Variants in TCP10L observed in about 807,000 individuals in gnomAD.
The protein encoded by TCP10L is T-complex protein 10A homolog 1.
TCP10L carries 11 observed loss-of-function variants against 19.2 expected under a neutral mutation model. The ratio of observed to expected loss-of-function variants is 0.57; its 90% confidence interval spans 0.36 to 0.95. The LOEUF (loss-of-function observed/expected upper bound fraction) is 0.95. TCP10L is among the 40% of genes least tolerant of loss of function. The pLI is 0.01. For missense variants in TCP10L, 247 were observed against 263.9 expected (o/e 0.94, Z 0.44); for synonymous variants, 96 against 97.2 (o/e 0.99, Z 0.07).
rs747326826 is a variant in TCP10L, at chr21:32,584,287, G to C, written c.18C>G (p.Leu6=). 1.2e-6 allele frequency: 2 copies of C among 1,613,716 alleles called. No individual in the cohort carries two copies. Among genetic ancestry groups the C allele is most frequent in the Non-Finnish European group, 1.7e-6 (2 of 1,179,822 alleles). The change falls in exon 2 of 5, where the codon CTC becomes CTG. Residue 6 remains leucine, a synonymous_variant. Coordinates refer to ENST00000300258, the MANE Select transcript of TCP10L (RefSeq NM_144659.7). The part of the protein sequence containing the change: MLAGQ[L]EARDPKEGTH... ...TGCCCTCTTTGGGGTCCCTGGCCTC[G>C]AGTTGACCTGCCAGCATCCTGGTTG... is the stretch of plus-strand genomic sequence containing the variant.
chr21:32,583,632 A>G (rs939373400), intron 2 of TCP10L, among the ~76,000 whole-genome samples: 1 of 150,212 alleles, frequency 6.7e-6, no homozygotes, highest in African/African-American at 2.5e-5. Context: ...AAGCCACTGC[A>G]TTTTCAACCT....
chr21:32,583,540 G>C (rs1205281398), intron 2 of TCP10L, among the ~76,000 whole-genome samples: 1 of 139,442 alleles, frequency 7.2e-6, no homozygotes, highest in African/African-American at 2.7e-5. Flanking sequence ...AGTGAGCCGA[G>C]ATCCCGCCAC....
intron 2 of TCP10L, among the ~76,000 whole-genome samples, 167 bp downstream of exon 2, chr21:32,583,994 G>C (rs1371649616): frequency 6.6e-6 from 1 of 152,212 alleles, no homozygotes; most frequent in Admixed American, 6.5e-5. Flanking sequence ...CGGTTGCAGA[G>C]GGGGAAAGAG....
chr21:32,582,783 G>A lies in TCP10L; in HGVS notation c.145-368C>T, dbSNP rs930213855. Among the ~76,000 whole-genome samples, 2 of 151,844 alleles carry A rather than the reference G, an allele frequency of 1.3e-5. No individual in the cohort carries two copies. Among genetic ancestry groups the A allele is most frequent in the Non-Finnish European group, 2.9e-5 (2 of 67,986 alleles). ...AATTTTTGTATTTTTACTCGGGATG[G>A]GGGTTCACCATGTTGCCCAGACTGG... On this transcript the variant is annotated intron_variant, in intron 2 of 4. Coordinates refer to ENST00000300258, the MANE Select transcript of TCP10L (RefSeq NM_144659.7). The surrounding 1 kb of genome is among the most constrained non-coding windows in gnomAD (Gnocchi z 4.2).
At chr21:32,585,279 C>T (rs542023911) in intron 1 of TCP10L, 142 bp downstream of exon 1, 59 of 264,232 alleles carry the variant, frequency 2.2e-4, no homozygotes, top group African/African-American at 1.1e-3. Flanking sequence ...GCTGGGGTCA[C>T]GGTCCTCACA....
chr21:32,582,534 A>AC lies in TCP10L; in HGVS notation c.145-120dup, dbSNP rs1265978319. ...CAACACTATTTCTGGAATAAAAGACACCCGATGAGATAAACAGGACTACCA... is the reference window on the plus strand; with the variant it reads ...CAACACTATTTCTGGAATAAAAGACACCCCGATGAGATAAACAGGACTACCA... On this transcript the variant is annotated intron_variant, in intron 2 of 4. Transcript: ENST00000300258. The surrounding 1 kb of genome is among the most constrained non-coding windows in gnomAD (Gnocchi z 4.2). The AC allele has an allele frequency of 1.4e-5, 12 of 840,432 alleles. No homozygotes were observed. The highest frequency in any genetic ancestry group is 5.8e-5 in the Admixed American group (2 of 34,244). 52.1% of individuals were successfully genotyped at this position (840,432 alleles called of 1,614,324 possible).
Position 32,578,765 on chromosome 21 carries a change from C to T in TCP10L, c.427G>A (p.Ala143Thr), listed in dbSNP as rs374402294. The change falls in exon 4 of 5, where the codon GCT (alanine) becomes ACT (threonine). Residue 143 changes from alanine to threonine, a missense_variant. By Grantham distance (58) the Ala-to-Thr change is moderately conservative. Transcript: ENST00000300258. This position sits in a 1 kb window ranked among gnomAD's most constrained non-coding sequence, Gnocchi z 4.2. ...GTGGCACTCTGATTCTTGTGGCCAG[C>T]GTATTTGGGTATTGTCTCTTCATCA... ...SADEETIPKY[A>T]GHKNQSATLL... 47 of 1,614,006 alleles carry T rather than the reference C, an allele frequency of 2.9e-5. No homozygotes were observed. The highest frequency in any genetic ancestry group is 3.7e-5 in the Non-Finnish European group (44 of 1,180,044).
In TCP10L at chr21:32,578,649, C is replaced by T; in HGVS notation, c.498+45G>A. 6.3e-7 allele frequency: 1 copy of T among 1,590,648 alleles called. No homozygotes were observed. The highest frequency in any genetic ancestry group is 1.2e-5 in the South Asian group (1 of 85,898). The stretch of plus-strand genomic sequence containing the variant: ...CTGATGGGATGTGTGTGTTTGGGTA[C>T]AGAACCTCTGCTTCTCTTTACAGAT... On this transcript the variant is annotated intron_variant, in intron 4 of 4. Coordinates refer to ENST00000300258, the MANE Select transcript of TCP10L (RefSeq NM_144659.7). This position sits in a 1 kb window ranked among gnomAD's most constrained non-coding sequence, Gnocchi z 4.2.
intron 2 of TCP10L, 117 bp downstream of exon 2, chr21:32,584,044 C>T (rs533127570): frequency 8.8e-5 from 120 of 1,368,712 alleles, no homozygotes; most frequent in Non-Finnish European, 1.0e-4. Context: ...ATCAGTGTCC[C>T]GGGGTGGTGC....
rs2038453445 is a variant in TCP10L at position 32,578,008 on chromosome 21, G to A, written c.498+686C>T. On this transcript the variant is annotated intron_variant, in intron 4 of 4. Transcript: ENST00000300258. This position sits in a 1 kb window ranked among gnomAD's most constrained non-coding sequence, Gnocchi z 4.2. ...GAAACATGTCCTTAAGGCACAGATCGCTCATGCTACTGTTTGTGGTTTAAG... is the reference window on the plus strand; with the variant it reads ...GAAACATGTCCTTAAGGCACAGATCACTCATGCTACTGTTTGTGGTTTAAG... 6.6e-6 allele frequency among the ~76,000 whole-genome samples: 1 copy of A among 152,214 alleles called. No individual in the cohort carries two copies. Among genetic ancestry groups the A allele is most frequent in the Non-Finnish European group, 1.5e-5 (1 of 68,038 alleles).
chr21:32,583,454 T>C (rs1193827980), intron 2 of TCP10L, among the ~76,000 whole-genome samples: 3 of 150,720 alleles, frequency 2.0e-5, no homozygotes, highest in Non-Finnish European at 4.5e-5. Context: ...CCGGGCGTAG[T>C]GGCGGGCGCC....
rs1175172199 is a variant in TCP10L, at chr21:32,584,053, G to A, written c.144+108C>T. Reference sequence around the variant, plus strand: ...TACAGAATCAGTGTCCCGGGGTGGTGCATTCCTACAGGGGTCCAGCAAGGG... The same window carrying A: ...TACAGAATCAGTGTCCCGGGGTGGTACATTCCTACAGGGGTCCAGCAAGGG... On this transcript the variant is annotated intron_variant, in intron 2 of 4. Coordinates refer to ENST00000300258, the MANE Select transcript of TCP10L (RefSeq NM_144659.7). 9 of 1,422,354 alleles carry A rather than the reference G, an allele frequency of 6.3e-6. No homozygotes were observed. The African/African-American group carries it at 7.2e-5, about 11-fold the overall frequency. The allele number at this position is 1,422,354 out of a possible 1,614,324, so 88.1% of individuals were successfully genotyped here.
At chr21:32,583,010 C>T (rs1045136551) in intron 2 of TCP10L, among the ~76,000 whole-genome samples, 73 of 139,004 alleles carry the variant, frequency 5.3e-4, no homozygotes, top group African/African-American at 1.9e-3. Flanking sequence ...CAAAAAGAGG[C>T]TGGCATTCTT....
chr21:32,584,308 G>C lies in TCP10L; in HGVS notation c.-1-3C>G. Reference sequence around the variant, plus strand: ...CCTCGAGTTGACCTGCCAGCATCCTGGTTGGGAAGGGAAGGGCTATGGGGA... The same window carrying C: ...CCTCGAGTTGACCTGCCAGCATCCTCGTTGGGAAGGGAAGGGCTATGGGGA... On this transcript the variant is annotated splice_region_variant and splice_polypyrimidine_tract_variant and intron_variant, in intron 1 of 4. Coordinates refer to ENST00000300258, the MANE Select transcript of TCP10L (RefSeq NM_144659.7). 1.2e-6 allele frequency: 2 copies of C among 1,612,890 alleles called. No homozygotes were observed. The highest frequency in any genetic ancestry group is 1.7e-6 in the Non-Finnish European group (2 of 1,179,378).
intron 3 of TCP10L, among the ~76,000 whole-genome samples, chr21:32,581,649 C>G (rs906985698): frequency 1.2e-4 from 18 of 152,144 alleles, no homozygotes; most frequent in Non-Finnish European, 1.5e-4. Flanking sequence ...CCATCGCACA[C>G]CCTGCGAGGG....
At position 32,574,310 on chromosome 21, in the gene TCP10L, C is replaced by T. The variant is rs2038407209; in HGVS notation, c.*2464G>A. 6.6e-6 allele frequency among the ~76,000 whole-genome samples: 1 copy of T among 152,122 alleles called. No homozygotes were observed. The highest frequency in any genetic ancestry group is 2.4e-5 in the African/African-American group (1 of 41,438). On this transcript the variant is annotated 3_prime_UTR_variant, in exon 5 of 5. Transcript: ENST00000300258. ...ACTTTGACTTGGGAAACTCTTAAGCCATGAAAAATATTAATCCTGTTTGAC... is the reference window on the plus strand; with the variant it reads ...ACTTTGACTTGGGAAACTCTTAAGCTATGAAAAATATTAATCCTGTTTGAC...
At chr21:32,584,408 C>T (rs1201206461) in intron 1 of TCP10L, 103 bp from the exon 2 acceptor site, 11 of 1,444,428 alleles carry the variant, frequency 7.6e-6, no homozygotes, top group South Asian at 1.4e-5. Flanking sequence ...GAGCAGGACC[C>T]GCAGCCGCTC....
chr21:32,581,580 G>A lies in TCP10L; in HGVS notation c.360+620C>T, dbSNP rs562106519. 1.2e-4 allele frequency among the ~76,000 whole-genome samples: 18 copies of A among 152,222 alleles called. No homozygotes were observed. In the East Asian group the frequency reaches 1.7e-3, roughly 15 times the overall value. ...TGGGGTCAGAGCCCCATAGCCTGCC[G>A]GTCTGTACACTCCCCTAGAGGTTTG... is the stretch of plus-strand genomic sequence containing the variant. On this transcript the variant is annotated intron_variant, in intron 3 of 4. Coordinates refer to ENST00000300258, the MANE Select transcript of TCP10L (RefSeq NM_144659.7).
At chr21:32,583,452 A>C (rs1052557879) in intron 2 of TCP10L, among the ~76,000 whole-genome samples, 9 of 150,678 alleles carry the variant, frequency 6.0e-5, no homozygotes, top group Non-Finnish European at 1.3e-4. Context: ...AGCCGGGCGT[A>C]GTGGCGGGCG....
Sources: gnomAD v4.1 joint callset for allele counts (sites outside exome capture counted in the v4.1 genomes callset) on GRCh38, gnomAD v4.1.1 for gene constraint, Gnocchi (gnomAD v3.1) non-coding constraint, MANE v1.5 for transcripts, NCBI Gene and HGNC (gene_info 2026-07-23, HGNC 2026-07-21) for gene names.